Variants in SMYD3 observed in about 807,000 individuals in gnomAD.
SMYD3 encodes histone-lysine N-methyltransferase SMYD3.
SMYD3 carries 36 observed loss-of-function variants against 57.7 expected under a neutral mutation model. That is an observed-to-expected ratio of 0.62 (90% CI 0.48 to 0.82). The LOEUF (loss-of-function observed/expected upper bound fraction) is 0.82, where lower values mean the gene tolerates loss of function less well. Ranked by LOEUF, SMYD3 falls within the 40% of genes least tolerant of loss-of-function variation. The probability of loss-of-function intolerance (pLI) is 0.00; values close to 1 mark genes in which losing one functional copy is unlikely to be tolerated. For synonymous variants in SMYD3, 211 were observed against 195.0 expected (o/e 1.08, Z -0.68); for missense variants, 515 against 538.8 (o/e 0.96, Z 0.44).
intron 1 of SMYD3, among the ~76,000 whole-genome samples, chr1:246,499,154 G>A (rs140299814): frequency 4.6e-5 from 7 of 151,178 alleles, no homozygotes; most frequent in East Asian, 2.0e-4. Flanking sequence ...TTAAATTTTC[G>A]TTGTTTTAAA....
At position 246,507,171 on chromosome 1, in the gene SMYD3, T is replaced by C. The variant is rs1212597775; in HGVS notation, c.47A>G (p.Asn16Ser). The C allele has an allele frequency of 3.9e-6, 6 of 1,532,128 alleles. No individual in the cohort carries two copies. The highest frequency in any genetic ancestry group is 5.3e-6 in the Non-Finnish European group (6 of 1,139,576). 94.9% of individuals were successfully genotyped at this position (1,532,128 alleles called of 1,614,324 possible). ...VEKFATAKRGNGLRAVTPLRP... is the reference protein window; with the variant it reads ...VEKFATAKRGSGLRAVTPLRP... ...CAGCGGGGTCACGGCGCGCAGCCCG[T>C]TTCCCCTCTTGGCGGTTGCGAACTT... The change falls in exon 1 of 12, where the codon AAC (asparagine) becomes AGC (serine). Residue 16 changes from asparagine to serine, a missense_variant. Transcript: ENST00000490107.
chr1:246,366,676 G>C (rs1037587105), intron 1 of SMYD3, among the ~76,000 whole-genome samples: 1 of 151,980 alleles, frequency 6.6e-6, no homozygotes, highest in South Asian at 2.1e-4. Context: ...AGGCACGGTA[G>C]CTCACGCCTG....
At position 246,403,519 on chromosome 1, in the gene SMYD3, T is replaced by G. The variant is rs2066809141; in HGVS notation, c.165-48425A>C. Among the ~76,000 whole-genome samples, 3 of 152,184 alleles carry G rather than the reference T, an allele frequency of 2.0e-5. No individual in the cohort carries two copies. In the South Asian group the frequency reaches 6.2e-4, roughly 31 times the overall value. ...CTCCCTGTTTTAAACATATATCCTA[T>G]CTTCCTAGTTCATCTCCTCTGGTCT... is the stretch of plus-strand genomic sequence containing the variant. On this transcript the variant is annotated intron_variant, in intron 1 of 11. Coordinates refer to ENST00000490107, the MANE Select transcript of SMYD3 (RefSeq NM_001167740.2).
chr1:245,763,148 C>T (rs2045924904), intron 11 of SMYD3, among the ~76,000 whole-genome samples: 1 of 152,244 alleles, frequency 6.6e-6, no homozygotes, highest in Non-Finnish European at 1.5e-5. Flanking sequence ...TAAACCAGTT[C>T]TCCCAATTAG....
chr1:246,020,019 T>A lies in SMYD3; in HGVS notation c.532-90082A>T, dbSNP rs1033021862. Among the ~76,000 whole-genome samples the A allele has an allele frequency of 2.0e-5, 3 of 152,030 alleles. No homozygotes were observed. In the East Asian group the frequency reaches 5.8e-4, roughly 29 times the overall value. ...ACTTGTTACTTGCCTGCCAGAAGAG[T>A]TTACTATCATCTTCACAAGTATTCA... On this transcript the variant is annotated intron_variant, in intron 5 of 11. Transcript: ENST00000490107.
intron 7 of SMYD3, among the ~76,000 whole-genome samples, chr1:245,926,193 A>T (rs770714454): frequency 7.2e-5 from 11 of 152,214 alleles, no homozygotes; most frequent in Non-Finnish European, 1.2e-4. Flanking sequence ...CCACCTCCAC[A>T]AAGCATCAGC....
intron 1 of SMYD3, 53 bp downstream of exon 1, chr1:246,507,001 C>T (rs547763618): frequency 3.5e-6 from 4 of 1,159,174 alleles, no homozygotes; most frequent in African/African-American, 1.7e-5. Context: ...CCCCCCCTCC[C>T]CAGCACCCCA....
chr1:246,172,214 T>A lies in SMYD3; in HGVS notation c.531+154987A>T, dbSNP rs112242278. On this transcript the variant is annotated intron_variant, in intron 5 of 11. Transcript: ENST00000490107. Reference sequence around the variant, plus strand: ...TACACAGGCCTAGAACACTCACTGTTCTCTACTGTAGACTTTATCAACACC... The same window carrying A: ...TACACAGGCCTAGAACACTCACTGTACTCTACTGTAGACTTTATCAACACC... Among the ~76,000 whole-genome samples, 246 of 139,744 alleles carry A rather than the reference T, an allele frequency of 1.8e-3. 1 individual carries two copies. The highest frequency in any genetic ancestry group is 6.0e-3 in the African/African-American group (224 of 37,250). The allele number at this position is 139,744 out of a possible 152,430, so 91.7% of individuals were successfully genotyped here.
chr1:246,142,910 G>A (rs990700213), intron 5 of SMYD3, among the ~76,000 whole-genome samples: 3 of 152,052 alleles, frequency 2.0e-5, no homozygotes, highest in African/African-American at 7.2e-5. Context: ...TCCAACCTTT[G>A]GCAGCTTCTT....
chr1:246,398,957 A>G (rs562473930), intron 1 of SMYD3, among the ~76,000 whole-genome samples: 1 of 145,700 alleles, frequency 6.9e-6, no homozygotes, highest in South Asian at 2.2e-4. Flanking sequence ...AGGAGTAGAT[A>G]GTTGTAGATT....
intron 5 of SMYD3, among the ~76,000 whole-genome samples, chr1:246,244,019 A>ACG (rs148610685): frequency 0.11 from 12,558 of 117,854 alleles, 738 homozygotes; most frequent in East Asian, 0.4. Context: ...ATGTACATAT[A>ACG]TGTGTATATA....
chr1:246,206,180 A>C (rs1031624226), intron 5 of SMYD3, among the ~76,000 whole-genome samples: 2 of 152,182 alleles, frequency 1.3e-5, no homozygotes, highest in African/African-American at 4.8e-5. Context: ...ATTTTATAAA[A>C]ATCTAGATAC....
At chr1:246,400,363 C>A (rs556139767) in intron 1 of SMYD3, among the ~76,000 whole-genome samples, 1 of 152,346 alleles carries the variant, frequency 6.6e-6, no homozygotes, top group Non-Finnish European at 1.5e-5. Flanking sequence ...CCAGCTACTA[C>A]TTGCATTTCA....
chr1:245,818,048 G>A (rs999625571), intron 10 of SMYD3, among the ~76,000 whole-genome samples: 29 of 151,726 alleles, frequency 1.9e-4, no homozygotes, highest in South Asian at 6.3e-4. Flanking sequence ...TACAGAGAAC[G>A]CCACAAAGAT....
chr1:245,864,731 C>CTGTA (rs35354041), intron 8 of SMYD3, among the ~76,000 whole-genome samples: 84,095 of 151,532 alleles, frequency 0.55, 26,469 homozygotes, highest in Non-Finnish European at 0.73. Flanking sequence ...AACCACTGAA[C>CTGTA]TGTACACTTT....
At chr1:246,343,513 T>A (rs569521039) in intron 2 of SMYD3, among the ~76,000 whole-genome samples, 3 of 152,268 alleles carry the variant, frequency 2.0e-5, no homozygotes, top group African/African-American at 7.2e-5. Flanking sequence ...CAGTCCCATC[T>A]GAGAGGGAAG....
intron 5 of SMYD3, among the ~76,000 whole-genome samples, chr1:246,086,893 G>A (rs1191991364): frequency 6.6e-6 from 1 of 151,886 alleles, no homozygotes; most frequent in African/African-American, 2.4e-5. Context: ...TCGCCCTTCC[G>A]ACAGGCCCAG....
At chr1:246,112,995 C>T (rs2061274356) in intron 5 of SMYD3, among the ~76,000 whole-genome samples, 1 of 152,006 alleles carries the variant, frequency 6.6e-6, no homozygotes, top group African/African-American at 2.4e-5. Context: ...GCCTGGCCAA[C>T]ATGGTGAAAC....
intron 5 of SMYD3, among the ~76,000 whole-genome samples, chr1:246,169,916 G>A (rs1234787757): frequency 2.0e-5 from 3 of 149,774 alleles, no homozygotes; most frequent in East Asian, 2.0e-4. Flanking sequence ...AAAAAAAAAA[G>A]ATACAGCAAG....
Sources: gnomAD v4.1 joint callset for allele counts (sites outside exome capture counted in the v4.1 genomes callset) on GRCh38, gnomAD v4.1.1 for gene constraint, MANE v1.5 for transcripts, NCBI Gene and HGNC (gene_info 2026-07-23, HGNC 2026-07-21) for gene names.